Variants in ZNF839 observed in about 807,000 individuals in gnomAD.
The protein encoded by ZNF839 is zinc finger protein 839, also known as renal carcinoma antigen NY-REN-50.
Under a neutral mutation model 56.4 loss-of-function variants are expected in ZNF839, and 38 were observed. The observed-to-expected ratio is 0.67, with a 90% confidence interval of 0.52 to 0.88. The LOEUF (loss-of-function observed/expected upper bound fraction) is 0.88, where lower values mean the gene tolerates loss of function less well. Ranked by LOEUF, ZNF839 falls within the 40% of genes least tolerant of loss-of-function variation. The pLI is 0.00. For synonymous variants in ZNF839, 486 were observed against 493.5 expected (o/e 0.98, Z 0.20); for missense variants, 1,091 against 1,177.6 (o/e 0.93, Z 1.08).
chr14:102,328,416 A>G (rs1440597949), intron 2 of ZNF839, among the ~76,000 whole-genome samples: 7 of 129,342 alleles, frequency 5.4e-5, no homozygotes, highest in African/African-American at 2.0e-4. Context: ...ATATATGTAT[A>G]CACACACACA....
intron 3 of ZNF839, 51 bp downstream of exon 3, chr14:102,331,897 G>A: frequency 7.0e-7 from 1 of 1,437,548 alleles, no homozygotes; most frequent in Non-Finnish European, 9.4e-7. Flanking sequence ...TAGCATGGAT[G>A]TGGCAATCAC....
intron 1 of ZNF839, among the ~76,000 whole-genome samples, chr14:102,322,771 C>G (rs529349385): frequency 1.3e-5 from 2 of 152,288 alleles, no homozygotes; most frequent in South Asian, 4.1e-4. Context: ...CGCTATGTTA[C>G]CCAGGCTGGC....
upstream of ZNF839, chr14:102,319,628 G>A (rs546167087): frequency 5.9e-6 from 7 of 1,187,334 alleles, no homozygotes; most frequent in East Asian, 1.4e-4. This position sits in a 1 kb window ranked among gnomAD's most constrained non-coding sequence, Gnocchi z 4.5. Context: ...GGCACTCCAC[G>A]ACTTTCCCGG....
In ZNF839 at chr14:102,332,429, G is replaced by A. The variant is rs539790063; in HGVS notation, c.1416+583G>A. ...ATTACAGGCATGAGCCACCATGCCC[G>A]GCCTTCAGAACCATTCTTGACTTAC... On this transcript the variant is annotated intron_variant, in intron 3 of 7. Coordinates refer to ENST00000442396, the MANE Select transcript of ZNF839 (RefSeq NM_018335.6). The surrounding 1 kb of genome is among the most constrained non-coding windows in gnomAD (Gnocchi z 4.9). 1.5e-4 allele frequency among the ~76,000 whole-genome samples: 23 copies of A among 151,228 alleles called. No individual in the cohort carries two copies. In the South Asian group the frequency reaches 4.1e-3, roughly 27 times the overall value.
At chr14:102,330,972 C>T (rs2073751088) in intron 2 of ZNF839, among the ~76,000 whole-genome samples, 1 of 152,122 alleles carries the variant, frequency 6.6e-6, no homozygotes, top group Non-Finnish European at 1.5e-5. Context: ...CGGTGGTTAC[C>T]AGGACCTGTC....
chr14:102,338,166 G>A (rs1365167101), intron 5 of ZNF839, among the ~76,000 whole-genome samples: 1 of 152,216 alleles, frequency 6.6e-6, no homozygotes, highest in African/African-American at 2.4e-5. Flanking sequence ...GGGATAGTGG[G>A]AAAGAAAGTT....
Position 102,319,988 on chromosome 14 carries a change from C to G in ZNF839, c.223C>G (p.Gln75Glu), listed in dbSNP as rs1402268391. The G allele has an allele frequency of 8.5e-6, 10 of 1,171,936 alleles. No homozygotes were observed. The highest frequency in any genetic ancestry group is 9.3e-5 in the Admixed American group (2 of 21,392). The allele number at this position is 1,171,936 out of a possible 1,614,324, so 72.6% of individuals were successfully genotyped here. Residue 75 changes from glutamine (Q) to glutamate (E), a missense_variant, in exon 1 of 8, where the codon CAG (glutamine) becomes GAG (glutamate). Gln to Glu is a conservative substitution (Grantham distance 29). Transcript: ENST00000442396. This position sits in a 1 kb window ranked among gnomAD's most constrained non-coding sequence, Gnocchi z 4.5. ...AARRLRDAAQ[Q>E]AALQRGRGTE... is the part of the protein sequence containing the mutation. ...GCGGCGGCTGCGGGACGCGGCCCAACAGGCCGCCCTGCAGCGGGGCCGGGG... is the reference window on the plus strand; with the variant it reads ...GCGGCGGCTGCGGGACGCGGCCCAAGAGGCCGCCCTGCAGCGGGGCCGGGG...
chr14:102,334,504 G>A (rs2073929366), intron 3 of ZNF839, 50 bp from the exon 4 acceptor site: 1 of 1,389,484 alleles, frequency 7.2e-7, no homozygotes, highest in Admixed American at 1.9e-5. Flanking sequence ...GTTGGCTATT[G>A]GGAAATTCTT....
rs1322313492 is a variant in ZNF839, at chr14:102,326,837, G to A, written c.1141G>A (p.Gly381Arg). ...GTCCATGCCAGCGGATCCATGTGAG[G>A]GAGGGGCCCGCTCCTGCTTGGTGAC... ...GLSMPADPCE[G>R]GARSCLVTES... Residue 381 changes from glycine (G) to arginine (R), a missense_variant, in exon 2 of 8, where the codon GGA (glycine) becomes AGA (arginine). Gly to Arg is a moderately radical substitution (Grantham distance 125). Around this residue, in one of 3 missense-constraint regions of ZNF839, gnomAD observed 614 missense variants for 629.2 expected, o/e 0.98. Transcript: ENST00000442396. The surrounding 1 kb of genome is among the most constrained non-coding windows in gnomAD (Gnocchi z 4.3). 1.2e-6 allele frequency: 2 copies of A among 1,610,068 alleles called. No homozygotes were observed. The highest frequency in any genetic ancestry group is 1.3e-5 in the African/African-American group (1 of 74,890).
intron 2 of ZNF839, among the ~76,000 whole-genome samples, chr14:102,329,384 G>GTATT (rs906749328): frequency 2.0e-4 from 31 of 151,780 alleles, no homozygotes; most frequent in Admixed American, 4.6e-4. Flanking sequence ...CTGATTTTGT[G>GTATT]TATTTATTTA....
upstream of ZNF839, chr14:102,317,811 A>G (rs997830952): frequency 6.6e-6 from 1 of 152,116 alleles, no homozygotes; most frequent in African/African-American, 2.4e-5. Context: ...GAGACATCTT[A>G]GGCTTCACAT....
intron 7 of ZNF839, 97 bp downstream of exon 7, chr14:102,339,320 G>GA: frequency 5.4e-6 from 8 of 1,478,048 alleles, no homozygotes; most frequent in Non-Finnish European, 7.3e-6. Flanking sequence ...CAGGTTGGGT[G>GA]ACCTGTGCTG....
At chr14:102,335,530 G>A (rs575326403) in intron 4 of ZNF839, 159 bp from the exon 5 acceptor site, 414 of 688,266 alleles carry the variant, frequency 6.0e-4, no homozygotes, top group Non-Finnish European at 8.3e-4. Flanking sequence ...TGCACCATGC[G>A]GGGCACACAG....
intron 1 of ZNF839, among the ~76,000 whole-genome samples, chr14:102,325,418 C>T (rs1021267916): frequency 6.6e-6 from 1 of 151,688 alleles, no homozygotes; most frequent in Non-Finnish European, 1.5e-5. Flanking sequence ...GTTCCATCAA[C>T]TTTATTTTAT....
At chr14:102,323,978 A>G (rs1267280784) in intron 1 of ZNF839, among the ~76,000 whole-genome samples, 7 of 152,260 alleles carry the variant, frequency 4.6e-5, no homozygotes, top group Admixed American at 3.3e-4. Context: ...GATATCATTT[A>G]TATAAAGTTT....
intron 7 of ZNF839, among the ~76,000 whole-genome samples, chr14:102,340,139 AT>A (rs1049795754): frequency 2.7e-5 from 4 of 149,660 alleles, no homozygotes; most frequent in African/African-American, 4.9e-5. Context: ...TGCCCGGCTA[AT>A]TTTTTTTTGT....
upstream of ZNF839, among the ~76,000 whole-genome samples, chr14:102,318,726 A>C (rs1384889085): frequency 6.6e-6 from 1 of 152,194 alleles, no homozygotes. Context: ...CAATGTGAGT[A>C]TTGATGAGGA....
chr14:102,341,820 G>A lies in ZNF839; in HGVS notation c.2425G>A (p.Val809Met), dbSNP rs28646161. ...PLEKILSVDSVAVDCAYRTVP... is the reference protein window; with the variant it reads ...PLEKILSVDSMAVDCAYRTVP... ...TGAGAAAATTTTGTCTGTGGATAGC[G>A]TGGCAGTGGACTGTGCCTACAGGAC... The change falls in exon 8 of 8, where the codon GTG becomes ATG. Residue 809 changes from valine (V) to methionine (M), a missense_variant. Coordinates refer to ENST00000442396, the MANE Select transcript of ZNF839 (RefSeq NM_018335.6). 0.015 allele frequency: 24,071 copies of A among 1,613,988 alleles called. 923 individuals are homozygous for A. The highest frequency in any genetic ancestry group is 0.14 in the African/African-American group (10,597 of 75,002).
At chr14:102,329,328 T>C (rs1316980287) in intron 2 of ZNF839, among the ~76,000 whole-genome samples, 4 of 152,214 alleles carry the variant, frequency 2.6e-5, no homozygotes, top group Admixed American at 6.6e-5. Flanking sequence ...AATTATTTTC[T>C]TTATTTTCTT....
Sources: gnomAD v4.1 joint callset for allele counts (sites outside exome capture counted in the v4.1 genomes callset) on GRCh38, gnomAD v4.1.1 for gene constraint, gnomAD v4.1.1 regional missense constraint, Gnocchi (gnomAD v3.1) non-coding constraint, MANE v1.5 for transcripts, NCBI Gene and HGNC (gene_info 2026-07-23, HGNC 2026-07-21) for gene names.